CNIH3: variants seen among roughly 807,000 people sequenced by gnomAD.
The protein encoded by CNIH3 is protein cornichon homolog 3.
In CNIH3, 14 loss-of-function variants were observed where a neutral mutation model predicts 24.1. That is an observed-to-expected ratio of 0.58 (90% CI 0.38 to 0.91). The LOEUF (loss-of-function observed/expected upper bound fraction) is 0.91, where lower values mean the gene tolerates loss of function less well. Among genes scored for constraint, CNIH3 ranks in the 40% least tolerant of loss-of-function variants. The pLI, the probability that CNIH3 is intolerant of heterozygous loss-of-function variation, is 0.00. For missense variants in CNIH3, 178 were observed against 196.8 expected, an observed-to-expected ratio of 0.90 and a Z score of 0.57; for synonymous variants, 68 against 73.8, an observed-to-expected ratio of 0.92 and a Z score of 0.40.
In CNIH3 at chr1:224,664,467, A is replaced by G. The variant is rs894438630; in HGVS notation, c.82-16491A>G. Among the ~76,000 whole-genome samples, 21 of 152,262 alleles carry G rather than the reference A, an allele frequency of 1.4e-4. No homozygotes were observed. The East Asian group carries it at 2.9e-3, about 21-fold the overall frequency. The stretch of plus-strand genomic sequence containing the variant: ...TTGCATTGTCTTGCCTCCTCCATCA[A>G]ATATTTTTGCTGGGTCATATTTTGT... On this transcript the variant is annotated intron_variant, in intron 1 of 5. Coordinates refer to ENST00000272133, the MANE Select transcript of CNIH3 (RefSeq NM_152495.2).
intron 1 of CNIH3, among the ~76,000 whole-genome samples, chr1:224,487,104 A>G (rs2124836354): frequency 6.6e-6 from 1 of 152,344 alleles, no homozygotes; most frequent in South Asian, 2.1e-4. Flanking sequence ...TTCTAACAGA[A>G]ATAAGACATT....
At chr1:224,551,700 A>T (rs1284358622) in intron 3 of CNIH3, among the ~76,000 whole-genome samples, 1 of 151,916 alleles carries the variant, frequency 6.6e-6, no homozygotes, top group Non-Finnish European at 1.5e-5. Flanking sequence ...TAGGAATTTG[A>T]TATTAGGAGT....
At chr1:224,627,696 A>T (rs1457555720) in intron 1 of CNIH3, among the ~76,000 whole-genome samples, 1 of 151,992 alleles carries the variant, frequency 6.6e-6, no homozygotes, top group Non-Finnish European at 1.5e-5. Flanking sequence ...CTGCTCTGTG[A>T]CTCTGGAAGG....
At chr1:224,683,955 A>G (rs1047414074) in intron 2 of CNIH3, among the ~76,000 whole-genome samples, 4 of 152,216 alleles carry the variant, frequency 2.6e-5, no homozygotes, top group East Asian at 1.9e-4. Flanking sequence ...AGGAATCACT[A>G]TATTTATGAT....
Position 224,616,343 on chromosome 1 carries a change from G to GGTGGCA in CNIH3, c.-831_-830insTGGCAG, listed in dbSNP as rs1553275342. ...CAGTGGCAAAGGCGGCGGCGGCGGCGGCGGCAGCGGCAGCAGCAGGTGGAG... is the reference window on the plus strand; with the variant it reads ...CAGTGGCAAAGGCGGCGGCGGCGGCGGTGGCAGCGGCAGCGGCAGCAGCAGGTGGAG... On this transcript the variant is annotated 5_prime_UTR_variant, in exon 1 of 6. Transcript: ENST00000272133. 6 of 492,574 alleles carry GGTGGCA rather than the reference G, an allele frequency of 1.2e-5. No individual in the cohort carries two copies. In the East Asian group the frequency reaches 9.0e-4, roughly 74 times the overall value. The allele number at this position is 492,574 out of a possible 1,614,324, so 30.5% of individuals were successfully genotyped here.
intron 1 of CNIH3, among the ~76,000 whole-genome samples, chr1:224,470,875 A>G (rs904057598): frequency 6.6e-6 from 1 of 152,210 alleles, no homozygotes; most frequent in Non-Finnish European, 1.5e-5. Flanking sequence ...TTTGATACAG[A>G]CATACAATAT....
chr1:224,439,828 G>A (rs1292010499), intron 1 of CNIH3, among the ~76,000 whole-genome samples: 7 of 144,262 alleles, frequency 4.9e-5, no homozygotes, highest in South Asian at 2.3e-4. Flanking sequence ...TCGCTCTGTC[G>A]CCCAGGCTGG....
At chr1:224,596,242 C>T (rs1287651173) in intron 3 of CNIH3, among the ~76,000 whole-genome samples, 1 of 152,208 alleles carries the variant, frequency 6.6e-6, no homozygotes, top group South Asian at 2.1e-4. Context: ...GCTCATTTAC[C>T]ATTCCAAAAA....
chr1:224,621,149 A>G (rs2125065768), intron 1 of CNIH3, among the ~76,000 whole-genome samples: 1 of 152,364 alleles, frequency 6.6e-6, no homozygotes, highest in East Asian at 1.9e-4. Flanking sequence ...AATTCCCTAG[A>G]AAGATCTGAT....
chr1:224,590,582 G>A (rs1681710210), downstream of CNIH3, among the ~76,000 whole-genome samples: 1 of 152,184 alleles, frequency 6.6e-6, no homozygotes, highest in Non-Finnish European at 1.5e-5. Context: ...GCAGAAGGTG[G>A]AAGGTCAAGA....
chr1:224,690,256 A>G (rs538013586), intron 3 of CNIH3, among the ~76,000 whole-genome samples: 1 of 152,316 alleles, frequency 6.6e-6, no homozygotes, highest in East Asian at 1.9e-4. Context: ...GCTAAAGTGC[A>G]GTGGCACGAT....
At chr1:224,724,440 C>A (rs1688909616) in intron 3 of CNIH3, among the ~76,000 whole-genome samples, 1 of 152,196 alleles carries the variant, frequency 6.6e-6, no homozygotes, top group East Asian at 1.9e-4. Flanking sequence ...AATGTAGTTT[C>A]CTGACATTGC....
chr1:224,579,067 C>CTTTTTTTTTTTTTTTTTTT (rs60330387), intron 4 of CNIH3, among the ~76,000 whole-genome samples: 1 of 138,942 alleles, frequency 7.2e-6, no homozygotes. Flanking sequence ...TTTCTTTTTT[C>CTTTTTTTTTTTTTTTTTTT]TTTTTTTTTT....
intron 3 of CNIH3, among the ~76,000 whole-genome samples, chr1:224,688,443 C>T (rs1267663393): frequency 6.6e-6 from 1 of 152,108 alleles, no homozygotes; most frequent in Non-Finnish European, 1.5e-5. Context: ...CTGTCATGGG[C>T]TGTGACATAG....
At chr1:224,716,639 G>A (rs1688444975) in intron 3 of CNIH3, among the ~76,000 whole-genome samples, 1 of 152,096 alleles carries the variant, frequency 6.6e-6, no homozygotes, top group African/African-American at 2.4e-5. Context: ...GGACCGTGGG[G>A]GTTTGGAAAG....
chr1:224,634,754 C>T (rs1459758775), intron 1 of CNIH3, among the ~76,000 whole-genome samples: 1 of 152,080 alleles, frequency 6.6e-6, no homozygotes, highest in Non-Finnish European at 1.5e-5. Flanking sequence ...CTAAGAAATG[C>T]CCCCCTGCCC....
At chr1:224,634,523 A>G (rs918099985) in intron 1 of CNIH3, among the ~76,000 whole-genome samples, 12 of 151,172 alleles carry the variant, frequency 7.9e-5, no homozygotes, top group African/African-American at 2.9e-4. Flanking sequence ...CAGTGAGCCG[A>G]GATTGTGCCA....
intron 1 of CNIH3, among the ~76,000 whole-genome samples, chr1:224,450,003 C>T (rs553837229): frequency 6.6e-5 from 10 of 151,004 alleles, no homozygotes; most frequent in South Asian, 2.1e-4. Context: ...ACATTATACA[C>T]GCACACACAC....
At chr1:224,623,510 C>A (rs972333345) in intron 1 of CNIH3, among the ~76,000 whole-genome samples, 1 of 152,118 alleles carries the variant, frequency 6.6e-6, no homozygotes, top group Non-Finnish European at 1.5e-5. Flanking sequence ...GAGTCAGTTC[C>A]TTCAGCTTCC....
Sources: allele counts gnomAD v4.1 joint callset (sites outside exome capture counted in the v4.1 genomes callset), GRCh38; gene constraint gnomAD v4.1.1; transcripts MANE v1.5; gene names NCBI Gene and HGNC (gene_info 2026-07-23, HGNC 2026-07-21).